Variants in SPATA17 observed in about 807,000 individuals in gnomAD.
SPATA17 encodes spermatogenesis associated 17, also known as spermatogenesis-associated protein 17.
A neutral mutation model predicts 62.2 loss-of-function variants in SPATA17; 53 were observed. That is an observed-to-expected ratio of 0.85 (90% CI 0.68 to 1.07). The LOEUF (loss-of-function observed/expected upper bound fraction) is 1.07, where lower values mean the gene tolerates loss of function less well. Ranked by LOEUF, SPATA17 falls within the 50% of genes least tolerant of loss-of-function variation. The probability of loss-of-function intolerance (pLI) is 0.00; values close to 1 mark genes in which losing one functional copy is unlikely to be tolerated. For synonymous variants in SPATA17, 146 were observed against 146.8 expected (o/e 0.99, Z 0.04); for missense variants, 466 against 425.5 (o/e 1.10, Z -0.84).
At chr1:217,818,248 A>T (rs1035766743) in intron 9 of SPATA17, among the ~76,000 whole-genome samples, 1 of 152,002 alleles carries the variant, frequency 6.6e-6, no homozygotes, top group Admixed American at 6.6e-5. Context: ...TGTTGTATTC[A>T]GTTACCATCC....
intron 6 of SPATA17, among the ~76,000 whole-genome samples, chr1:217,755,357 AGAT>A (rs1673015789): frequency 6.6e-6 from 1 of 152,070 alleles, no homozygotes; most frequent in Admixed American, 6.5e-5. Context: ...GTAAAATAAA[AGAT>A]GAGAAAATGA....
intron 9 of SPATA17, among the ~76,000 whole-genome samples, chr1:217,825,709 G>A (rs1674984906): frequency 6.6e-6 from 1 of 151,962 alleles, no homozygotes; most frequent in Admixed American, 6.6e-5. Flanking sequence ...ATTTTCCAAA[G>A]TACATATTTA....
Position 217,869,933 on chromosome 1 carries a change from G to A in SPATA17, c.*2914G>A, listed in dbSNP as rs1199175676. The A allele has an allele frequency of 6.6e-6, 1 of 152,084 alleles. No homozygotes were observed. The highest frequency in any genetic ancestry group is 1.5e-5 in the Non-Finnish European group (1 of 68,034). 9.4% of individuals were successfully genotyped at this position (152,084 alleles called of 1,614,324 possible). A position where few individuals can be genotyped will look rare whatever the true frequency, so the allele number is the denominator to read the frequency against. ...ATAAAGTAAAAACATCATAAGTCAAGCCACCATAAATAGCGGACCATCTGT... is the reference window on the plus strand; with the variant it reads ...ATAAAGTAAAAACATCATAAGTCAAACCACCATAAATAGCGGACCATCTGT... On this transcript the variant is annotated 3_prime_UTR_variant, in exon 11 of 11. Coordinates refer to ENST00000366933, the MANE Select transcript of SPATA17 (RefSeq NM_138796.4).
intron 9 of SPATA17, among the ~76,000 whole-genome samples, chr1:217,805,653 A>T (rs1674414903): frequency 6.6e-6 from 1 of 152,190 alleles, no homozygotes; most frequent in African/African-American, 2.4e-5. Context: ...CTGTAAATAT[A>T]TACAGTTTTT....
chr1:217,786,750 T>TTTCCTCTTCTTC (rs1673874042), intron 8 of SPATA17, among the ~76,000 whole-genome samples: 1 of 107,436 alleles, frequency 9.3e-6, no homozygotes, highest in African/African-American at 3.6e-5. Context: ...TGATATTCTC[T>TTTCCTCTTCTTC]TTCTTCTTCT....
At chr1:217,790,585 C>T (rs1486171466) in intron 8 of SPATA17, among the ~76,000 whole-genome samples, 2 of 152,188 alleles carry the variant, frequency 1.3e-5, no homozygotes, top group East Asian at 1.9e-4. Context: ...GGACTACAGG[C>T]GTCCGCCACC....
chr1:217,643,674 G>C (rs113694672), intron 1 of SPATA17, among the ~76,000 whole-genome samples: 6,914 of 151,752 alleles, frequency 0.046, 213 homozygotes, highest in Middle Eastern at 0.095. Context: ...GAGGTAAAGA[G>C]AAGTGAGGAG....
rs745661085 is a variant in SPATA17, at chr1:217,651,080, T to A, written c.159-17T>A. 1.3e-6 allele frequency: 2 copies of A among 1,562,854 alleles called. No individual in the cohort carries two copies. The highest frequency in any genetic ancestry group is 2.3e-5 in the South Asian group (2 of 87,114). The stretch of plus-strand genomic sequence containing the variant: ...TTCAATGAAAGGATACTAATAAGCA[T>A]ATTTTTTTTATCCTAGGCATTTAAA... On this transcript the variant is annotated splice_polypyrimidine_tract_variant and intron_variant, in intron 2 of 10. Coordinates refer to ENST00000366933, the MANE Select transcript of SPATA17 (RefSeq NM_138796.4).
At chr1:217,724,806 C>G (rs1300967213) in intron 5 of SPATA17, among the ~76,000 whole-genome samples, 1 of 151,326 alleles carries the variant, frequency 6.6e-6, no homozygotes, top group African/African-American at 2.4e-5. Flanking sequence ...AATGACTTTC[C>G]TGTTTATATT....
At chr1:217,792,503 T>C (rs990152112) in intron 8 of SPATA17, among the ~76,000 whole-genome samples, 3 of 152,144 alleles carry the variant, frequency 2.0e-5, no homozygotes, top group Non-Finnish European at 2.9e-5. Flanking sequence ...AATCATAAAC[T>C]TTCTTTCCCA....
intron 5 of SPATA17, among the ~76,000 whole-genome samples, chr1:217,696,686 A>AT (rs959818905): frequency 4.6e-5 from 7 of 151,998 alleles, no homozygotes; most frequent in African/African-American, 1.7e-4. Flanking sequence ...ATATTTCCTG[A>AT]TTTTTTTCTC....
At chr1:217,847,882 A>G (rs1454026603) in intron 9 of SPATA17, among the ~76,000 whole-genome samples, 1 of 152,044 alleles carries the variant, frequency 6.6e-6, no homozygotes, top group Admixed American at 6.6e-5. Context: ...AAATAAAAAA[A>G]TTAGTTGGGC....
At chr1:217,702,012 G>A (rs1671610354) in intron 5 of SPATA17, among the ~76,000 whole-genome samples, 1 of 146,016 alleles carries the variant, frequency 6.8e-6, no homozygotes, top group South Asian at 2.2e-4. Flanking sequence ...AATACTTAGA[G>A]GCAATCACTA....
intron 5 of SPATA17, among the ~76,000 whole-genome samples, chr1:217,721,001 C>A (rs1248339900): frequency 6.6e-6 from 1 of 152,130 alleles, no homozygotes; most frequent in Non-Finnish European, 1.5e-5. Context: ...TCACAAAATT[C>A]ATCTAAATAA....
chr1:217,769,927 A>C (rs894693636), intron 6 of SPATA17, among the ~76,000 whole-genome samples: 3 of 152,186 alleles, frequency 2.0e-5, no homozygotes, highest in African/African-American at 7.2e-5. Flanking sequence ...GTGTGTTAAC[A>C]CTCTGACTAT....
chr1:217,842,791 G>T (rs542008583), intron 9 of SPATA17, among the ~76,000 whole-genome samples: 2 of 151,588 alleles, frequency 1.3e-5, no homozygotes, highest in Admixed American at 1.3e-4. Flanking sequence ...TTCAATTTTT[G>T]GGGTTTAATT....
At chr1:217,769,459 T>A (rs1327180997) in intron 6 of SPATA17, among the ~76,000 whole-genome samples, 3 of 152,192 alleles carry the variant, frequency 2.0e-5, no homozygotes, top group African/African-American at 4.8e-5. Flanking sequence ...GGAAGAATGG[T>A]CTTAGAATAA....
intron 3 of SPATA17, among the ~76,000 whole-genome samples, chr1:217,659,117 G>T (rs1264602297): frequency 6.6e-6 from 1 of 151,670 alleles, no homozygotes; most frequent in South Asian, 2.1e-4. Flanking sequence ...TTTAAACAAT[G>T]TGCATGTATT....
intron 5 of SPATA17, among the ~76,000 whole-genome samples, chr1:217,739,135 C>G (rs1672574389): frequency 6.6e-6 from 1 of 151,984 alleles, no homozygotes; most frequent in Non-Finnish European, 1.5e-5. Flanking sequence ...TAATTTTTAT[C>G]TTTATTTTAA....
Sources: allele counts gnomAD v4.1 joint callset (sites outside exome capture counted in the v4.1 genomes callset), GRCh38; gene constraint gnomAD v4.1.1; transcripts MANE v1.5; gene names NCBI Gene and HGNC (gene_info 2026-07-23, HGNC 2026-07-21).